Variants in DIAPH2 observed in about 807,000 individuals in gnomAD.
The protein encoded by DIAPH2 is diaphanous related formin 2, also known as protein diaphanous homolog 2.
In DIAPH2, 35 loss-of-function variants were observed where a neutral mutation model predicts 92.7. That is an observed-to-expected ratio of 0.38 (90% CI 0.29 to 0.50). The LOEUF is 0.50. Among genes scored for constraint, DIAPH2 ranks in the 20% least tolerant of loss-of-function variants. The pLI is 0.94. For missense variants in DIAPH2, 701 were observed against 819.5 expected, an observed-to-expected ratio of 0.86 and a Z score of 1.77; for synonymous variants, 301 against 280.4, an observed-to-expected ratio of 1.07 and a Z score of -0.73.
At chrX:96,989,016 TAA>T (rs1292331005) in intron 17 of DIAPH2, among the ~76,000 whole-genome samples, 11 of 111,180 alleles carry the variant, frequency 9.9e-5, no homozygotes, top group Non-Finnish European at 1.9e-4. Context: ...GTTCTGATTT[TAA>T]AAAAAGAAGA....
intron 4 of DIAPH2, among the ~76,000 whole-genome samples, chrX:96,788,525 C>A (rs1329093736): frequency 9.0e-6 from 1 of 111,682 alleles, no homozygotes; most frequent in Non-Finnish European, 1.9e-5. Flanking sequence ...CGTCCCCACC[C>A]TCCAAAATGT....
chrX:97,181,592 T>G (rs2067540373), intron 22 of DIAPH2, among the ~76,000 whole-genome samples: 1 of 111,568 alleles, frequency 9.0e-6, no homozygotes, highest in Non-Finnish European at 1.9e-5. Flanking sequence ...GTATTTTTAG[T>G]AGAGATGGGG....
intron 22 of DIAPH2, among the ~76,000 whole-genome samples, chrX:97,192,617 C>G (rs1347804857): frequency 8.9e-6 from 1 of 111,852 alleles, no homozygotes; most frequent in Admixed American, 9.5e-5. Flanking sequence ...GTATAAAGAA[C>G]TACTCCTTTA....
At chrX:96,814,139 T>C (rs1284925468) in intron 4 of DIAPH2, among the ~76,000 whole-genome samples, 1 of 112,008 alleles carries the variant, frequency 8.9e-6, no homozygotes, top group African/African-American at 3.2e-5. Context: ...GGTTCCATTC[T>C]CCCTGTCACT....
At chrX:96,951,451 G>A (rs1434914804) in intron 15 of DIAPH2, among the ~76,000 whole-genome samples, 1 of 111,242 alleles carries the variant, frequency 9.0e-6, no homozygotes, top group Non-Finnish European at 1.9e-5. Flanking sequence ...CTTATTAAAG[G>A]CCCCACTGTA....
intron 26 of DIAPH2, among the ~76,000 whole-genome samples, chrX:97,473,119 GC>G (rs1247182957): frequency 2.7e-5 from 3 of 111,306 alleles, no homozygotes; most frequent in African/African-American, 9.8e-5. Context: ...ACACACTTTA[GC>G]CCTTTATTAT....
At chrX:96,836,891 C>A (rs5950005) in intron 4 of DIAPH2, among the ~76,000 whole-genome samples, 1 of 99,768 alleles carries the variant, frequency 1.0e-5, no homozygotes, top group Non-Finnish European at 2.0e-5. Context: ...CCACGCCCGG[C>A]TAATTTTTTG....
At chrX:96,712,348 AT>A (rs1305578139) in intron 1 of DIAPH2, among the ~76,000 whole-genome samples, 1 of 109,516 alleles carries the variant, frequency 9.1e-6, no homozygotes, top group Non-Finnish European at 1.9e-5. Flanking sequence ...CCCTTTTATA[AT>A]TTTTCTTAAA....
intron 17 of DIAPH2, among the ~76,000 whole-genome samples, chrX:97,066,058 A>G (rs865913016): frequency 4.4e-5 from 5 of 112,378 alleles, no homozygotes; most frequent in African/African-American, 6.5e-5. Flanking sequence ...TATAATTACT[A>G]TAAGCTAAGT....
chrX:97,455,734 A>T (rs1374710953), intron 26 of DIAPH2, among the ~76,000 whole-genome samples: 1 of 112,258 alleles, frequency 8.9e-6, no homozygotes, highest in Non-Finnish European at 1.9e-5. Flanking sequence ...CGTGGGGAAG[A>T]ATCTTAAATA....
chrX:97,114,049 G>A (rs751843523), intron 20 of DIAPH2, among the ~76,000 whole-genome samples: 1 of 111,942 alleles, frequency 8.9e-6, no homozygotes, highest in South Asian at 3.7e-4. Context: ...TAAAACCAAA[G>A]TTGAACTGTA....
chrX:97,169,961 T>G (rs1216321019), intron 22 of DIAPH2, among the ~76,000 whole-genome samples: 1 of 112,213 alleles, frequency 8.9e-6, no homozygotes, highest in Non-Finnish European at 1.9e-5. Flanking sequence ...CAAAAATGAG[T>G]AATTCCTTTT....
chrX:97,238,244 T>G (rs1185931861), intron 22 of DIAPH2, among the ~76,000 whole-genome samples: 1 of 112,216 alleles, frequency 8.9e-6, no homozygotes, highest in Non-Finnish European at 1.9e-5. Flanking sequence ...TCTCTTTATT[T>G]TTTCAAACAT....
chrX:97,163,633 G>T (rs751163589), intron 22 of DIAPH2, among the ~76,000 whole-genome samples: 1 of 112,000 alleles, frequency 8.9e-6, no homozygotes, highest in African/African-American at 3.2e-5. Flanking sequence ...TTCCAGATGA[G>T]ACCACCCTTC....
intron 3 of DIAPH2, among the ~76,000 whole-genome samples, chrX:96,752,277 T>C (rs1239309572): frequency 1.8e-5 from 2 of 111,748 alleles, no homozygotes; most frequent in Non-Finnish European, 3.8e-5. Flanking sequence ...TCATTTCCAA[T>C]CAACCTATGC....
At chrX:97,435,446 A>G (rs911718133) in intron 26 of DIAPH2, among the ~76,000 whole-genome samples, 13 of 111,893 alleles carry the variant, frequency 1.2e-4, no homozygotes, top group African/African-American at 4.2e-4. Context: ...AGATAGGAAC[A>G]GTAAGCCTGT....
intron 25 of DIAPH2, among the ~76,000 whole-genome samples, chrX:97,397,188 C>T (rs1180157784): frequency 3.6e-5 from 4 of 111,496 alleles, no homozygotes; most frequent in African/African-American, 1.3e-4. Flanking sequence ...ACCTGCTTGT[C>T]ATATATATCA....
chrX:97,451,792 T>C (rs956369984), intron 26 of DIAPH2, among the ~76,000 whole-genome samples: 1 of 111,562 alleles, frequency 9.0e-6, no homozygotes, highest in Non-Finnish European at 1.9e-5. Flanking sequence ...CCTTTCCCCA[T>C]ACTCCATGTT....
At chrX:97,254,777 G>A (rs893255161) in intron 23 of DIAPH2, among the ~76,000 whole-genome samples, 1 of 109,015 alleles carries the variant, frequency 9.2e-6, no homozygotes, top group Admixed American at 1.0e-4. Context: ...AGGCTGGAGT[G>A]CAGTGGTACA....
Sources: allele counts gnomAD v4.1 joint callset (sites outside exome capture counted in the v4.1 genomes callset), GRCh38; gene constraint gnomAD v4.1.1; transcripts MANE v1.5; gene names NCBI Gene and HGNC (gene_info 2026-07-23, HGNC 2026-07-21).